ABCA9: variants seen among roughly 807,000 people sequenced by gnomAD.
ABCA9 encodes ATP-binding cassette sub-family A member 9.
Under a neutral mutation model 205.3 loss-of-function variants are expected in ABCA9, and 183 were observed. The observed-to-expected ratio is 0.89, with a 90% CI of 0.79 to 1.01. ABCA9 has a LOEUF of 1.01. Among genes scored for constraint, ABCA9 ranks in the 50% least tolerant of loss-of-function variants. The pLI is 0.00. For missense variants in ABCA9, 1,805 were observed against 1,912.4 expected (o/e 0.94, Z 1.05); for synonymous variants, 651 against 683.3 (o/e 0.95, Z 0.74).
At chr17:68,978,215 T>C (rs1167095538) in intron 37 of ABCA9, among the ~76,000 whole-genome samples, 1 of 152,200 alleles carries the variant, frequency 6.6e-6, no homozygotes, top group Admixed American at 6.5e-5. Flanking sequence ...CCTTTACCAT[T>C]ATGTAATGGC....
chr17:69,032,023 C>T (rs755009339), intron 10 of ABCA9, 85 bp downstream of exon 10: 31 of 1,352,712 alleles, frequency 2.3e-5, no homozygotes, highest in Non-Finnish European at 2.9e-5. Flanking sequence ...GCACAGAAGG[C>T]GATCTTTGCT....
In ABCA9 at chr17:68,999,109, T is replaced by C. The variant is rs1396471409; in HGVS notation, c.3436-3095A>G. Among the ~76,000 whole-genome samples, 4 of 151,072 alleles carry C rather than the reference T, an allele frequency of 2.6e-5. No homozygotes were observed. The East Asian group carries it at 5.8e-4, about 22-fold the overall frequency. On this transcript the variant is annotated intron_variant, in intron 25 of 38. Coordinates refer to ENST00000340001, the MANE Select transcript of ABCA9 (RefSeq NM_080283.4). ...AACAGGCTTTCTTTCTTGGCTGATA[T>C]TGGTTTATCTTTTTATTATTATTAT...
At chr17:69,069,237 C>CACTT in the ABCA9 span, among the ~76,000 whole-genome samples, 1 of 152,196 alleles carries the variant, frequency 6.6e-6, no homozygotes, top group African/African-American at 2.4e-5. Context: ...TACAGAGAAT[C>CACTT]ACAGCCAAGA....
At chr17:69,062,699 G>C (rs981015325), upstream of ABCA9, among the ~76,000 whole-genome samples, 2 of 151,974 alleles carry the variant, frequency 1.3e-5, no homozygotes, top group Non-Finnish European at 1.5e-5. Context: ...TTTTAGTAGA[G>C]AAGGGGTTTC....
Position 68,993,000 on chromosome 17 carries a change from A to G in ABCA9, c.3624+16T>C, listed in dbSNP as rs1460260505. The G allele has an allele frequency of 9.4e-6, 15 of 1,599,696 alleles. No homozygotes were observed. Among genetic ancestry groups the G allele is most frequent in the Non-Finnish European group, 1.2e-5 (14 of 1,170,196 alleles). On this transcript the variant is annotated intron_variant, in intron 27 of 38. Transcript: ENST00000340001. ...GTTCCCTCATGCAAGAATGTTGAAA[A>G]AAAAAGTCTTCTTACTATTAGCAGT...
At position 68,990,835 on chromosome 17, in the gene ABCA9, A is replaced by G; in HGVS notation, c.3837+2T>C. On this transcript the variant is annotated splice_donor_variant, in intron 29 of 38. Transcript: ENST00000340001. LOFTEE classifies it high-confidence loss of function. ...TTGACGAAGAACATTTCTGAGTTCTACCTCATCAAAGTCTCGCACAGCCAT... is the reference window on the plus strand; with the variant it reads ...TTGACGAAGAACATTTCTGAGTTCTGCCTCATCAAAGTCTCGCACAGCCAT... The G allele has an allele frequency of 6.2e-7, 1 of 1,609,574 alleles. No individual in the cohort carries two copies. Among genetic ancestry groups the G allele is most frequent in the Non-Finnish European group, 8.5e-7 (1 of 1,178,984 alleles).
rs2069386426 is a variant in ABCA9 at position 68,989,857 on chromosome 17, T to C, written c.3911A>G (p.Lys1304Arg). 1.2e-6 allele frequency: 2 copies of C among 1,612,990 alleles called. No homozygotes were observed. Among genetic ancestry groups the C allele is most frequent in the Non-Finnish European group, 1.7e-6 (2 of 1,179,084 alleles). Residue 1304 changes from lysine (K) to arginine (R), a missense_variant, in exon 30 of 39, where the codon AAG becomes AGG. Coordinates refer to ENST00000340001, the MANE Select transcript of ABCA9 (RefSeq NM_080283.4). The stretch of plus-strand genomic sequence containing the variant: ...GACATTTCTTGTGGCAATTTTTTTC[T>C]TCCTTTTAGAAAAGCAATTTTTCTT... ...GKKKNCFSKR[K>R]KKIATRNVSF...
the ABCA9 span, among the ~76,000 whole-genome samples, chr17:69,066,214 A>G: frequency 6.6e-6 from 1 of 152,132 alleles, no homozygotes; most frequent in South Asian, 2.1e-4. Context: ...TAGGCTAAAT[A>G]TACTCATTTC....
chr17:68,987,037 C>T (rs1038717111), intron 31 of ABCA9, among the ~76,000 whole-genome samples: 7 of 152,186 alleles, frequency 4.6e-5, no homozygotes, highest in African/African-American at 1.7e-4. Context: ...ATAATAAGAA[C>T]ATCTAATGTG....
chr17:69,017,726 G>T lies in ABCA9; in HGVS notation c.2831C>A (p.Ala944Asp), dbSNP rs547542664. The T allele has an allele frequency of 1.9e-6, 3 of 1,613,442 alleles. No individual in the cohort carries two copies. The highest frequency in any genetic ancestry group is 2.2e-5 in the South Asian group (2 of 91,050). The change falls in exon 21 of 39, where the codon GCC becomes GAC. Residue 944 changes from alanine to aspartate, a missense_variant. Physicochemically the swap from Ala to Asp is moderately radical, Grantham distance 126. Transcript: ENST00000340001. The part of the protein sequence containing the change: ...RRQNIAIEVD[A>D]FGTRNGTDDP... ...ATCTGTGCCATTTCTAGTTCCAAAG[G>T]CATCCACTTCTATAGCTATGTTCTG... is the stretch of plus-strand genomic sequence containing the variant.
At chr17:69,076,521 G>T in the ABCA9 span, among the ~76,000 whole-genome samples, 1 of 152,114 alleles carries the variant, frequency 6.6e-6, no homozygotes, top group Admixed American at 6.5e-5. Context: ...GGTGATGCTG[G>T]CTTCATAAAA....
At chr17:68,997,265 C>T (rs947125883) in intron 25 of ABCA9, among the ~76,000 whole-genome samples, 3 of 152,174 alleles carry the variant, frequency 2.0e-5, no homozygotes, top group Non-Finnish European at 4.4e-5. Flanking sequence ...TCTGTGTTTG[C>T]TTTCTTTCTA....
Position 68,975,774 on chromosome 17 carries a change from T to TAAGA in ABCA9, c.*137_*140dup. 1.4e-6 allele frequency: 1 copy of TAAGA among 691,706 alleles called. No individual in the cohort carries two copies. The highest frequency in any genetic ancestry group is 2.7e-5 in the East Asian group (1 of 36,408). The allele number at this position is 691,706 out of a possible 1,614,324, so 42.8% of individuals were successfully genotyped here. ...ACTGACATCGCCTGTTGTCTCACTG[T>TAAGA]AAGAAATACTACTGAGGATAATTAT... On this transcript the variant is annotated 3_prime_UTR_variant, in exon 39 of 39. Transcript: ENST00000340001.
Position 69,008,090 on chromosome 17 carries a change from A to G in ABCA9, c.3293T>C (p.Ile1098Thr), listed in dbSNP as rs760189433. 7 of 1,610,294 alleles carry G rather than the reference A, an allele frequency of 4.3e-6. No homozygotes were observed. The highest frequency in any genetic ancestry group is 2.7e-5 in the African/African-American group (2 of 74,736). ...MDYIFSPEEI[I>T]FIIQNLLIQI... Reference sequence around the variant, plus strand: ...AATTAACAGGTTTTGAATTATAAATATAATCTCCTCTGGGCTAAAAATATA... The same window carrying G: ...AATTAACAGGTTTTGAATTATAAATGTAATCTCCTCTGGGCTAAAAATATA... The change falls in exon 24 of 39, where the codon ATA becomes ACA. Residue 1098 changes from isoleucine (I) to threonine (T), a missense_variant. Transcript: ENST00000340001.
chr17:68,981,975 G>T (rs556351149), intron 37 of ABCA9, among the ~76,000 whole-genome samples: 6 of 151,874 alleles, frequency 4.0e-5, no homozygotes, highest in Non-Finnish European at 7.4e-5. Context: ...TAACATGACA[G>T]GGAAAAACCA....
chr17:69,029,259 T>G, intron 10 of ABCA9, 32 bp from the exon 11 acceptor site: 1 of 1,407,748 alleles, frequency 7.1e-7, no homozygotes, highest in East Asian at 2.4e-5. Context: ...TTTCAGAGAA[T>G]TGTAAAAATG....
At chr17:69,049,570 A>G in intron 2 of ABCA9, 80 bp from the exon 3 acceptor site, 2 of 1,149,108 alleles carry the variant, frequency 1.7e-6, no homozygotes. Flanking sequence ...AGTTTGAAAT[A>G]CTTAATTCTG....
rs368605320 is a variant in ABCA9 at position 69,018,421 on chromosome 17, T to C, written c.2759A>G (p.Asn920Ser). 1.1e-5 allele frequency: 18 copies of C among 1,571,704 alleles called. 1 individual carries two copies. The highest frequency in any genetic ancestry group is 1.5e-5 in the Non-Finnish European group (17 of 1,165,122). Residue 920 changes from asparagine (N) to serine (S), a missense_variant, in exon 20 of 39, where the codon AAT becomes AGT. Asn to Ser is a conservative substitution (Grantham distance 46). Coordinates refer to ENST00000340001, the MANE Select transcript of ABCA9 (RefSeq NM_080283.4). ...QDPLTHLLVI[N>S]KTGSTIDNFL... Reference sequence around the variant, plus strand: ...TTCAGCCCCATGTTCACCTGTCTTATTGATGACCAGTAAATGGGTCAGAGG... The same window carrying C: ...TTCAGCCCCATGTTCACCTGTCTTACTGATGACCAGTAAATGGGTCAGAGG...
chr17:68,992,390 C>A, intron 27 of ABCA9, 124 bp from the exon 28 acceptor site: 1 of 593,126 alleles, frequency 1.7e-6, no homozygotes, highest in Non-Finnish European at 2.9e-6. Flanking sequence ...TTTTACAAGG[C>A]TGAAAGACAA....
Sources: gnomAD v4.1 joint callset for allele counts (sites outside exome capture counted in the v4.1 genomes callset) on GRCh38, gnomAD v4.1.1 for gene constraint, MANE v1.5 for transcripts, NCBI Gene and HGNC (gene_info 2026-07-23, HGNC 2026-07-21) for gene names.